Variants in HECW1 observed in about 807,000 individuals in gnomAD.
The protein encoded by HECW1 is E3 ubiquitin-protein ligase HECW1.
HECW1 carries 61 observed loss-of-function variants against 182.3 expected under a neutral mutation model. The observed-to-expected ratio is 0.33, with a 90% confidence interval of 0.27 to 0.41. HECW1 has a LOEUF of 0.41. Among genes scored for constraint, HECW1 ranks in the 10% least tolerant of loss-of-function variants. The probability of loss-of-function intolerance (pLI) is 1.00; values close to 1 mark genes in which losing one functional copy is unlikely to be tolerated. For synonymous variants in HECW1, 859 were observed against 832.6 expected, an observed-to-expected ratio of 1.03 and a Z score of -0.55; for missense variants, 1,739 against 2,108.9, an observed-to-expected ratio of 0.82 and a Z score of 3.44.
At position 43,501,206 on chromosome 7, in the gene HECW1, TATGCAGTCTC is replaced by T; in HGVS notation, c.3522-6_3525del. ...TTCTTTTTTTTTTTTTTTTTTTTCA[TATGCAGTCTC>T]TTTGAAGAAGAGATTATGTCCTACG... On this transcript the variant is annotated splice_acceptor_variant and splice_polypyrimidine_tract_variant and coding_sequence_variant and intron_variant, in exon 21 of 30. Transcript: ENST00000395891. LOFTEE classifies it high-confidence loss of function. 1.1e-6 allele frequency: 1 copy of T among 899,276 alleles called. No individual in the cohort carries two copies. The highest frequency in any genetic ancestry group is 1.8e-6 in the Non-Finnish European group (1 of 570,096). The allele number at this position is 899,276 out of a possible 1,614,324, so 55.7% of individuals were successfully genotyped here.
intron 2 of HECW1, among the ~76,000 whole-genome samples, chr7:43,116,798 C>A (rs1452635166): frequency 1.3e-5 from 2 of 152,198 alleles, no homozygotes; most frequent in African/African-American, 4.8e-5. Flanking sequence ...CTTCAGGTCA[C>A]TTTTCCTCTT....
intron 2 of HECW1, among the ~76,000 whole-genome samples, chr7:43,131,616 A>G (rs1015618441): frequency 2.6e-5 from 4 of 152,246 alleles, no homozygotes; most frequent in Admixed American, 1.3e-4. Context: ...CCTCAAACAT[A>G]CTGAAGAATG....
chr7:43,487,612 T>C (rs1466750066), intron 17 of HECW1, among the ~76,000 whole-genome samples: 1 of 152,184 alleles, frequency 6.6e-6, no homozygotes, highest in Non-Finnish European at 1.5e-5. Context: ...TAGAGTCATG[T>C]CATTTTGGTT....
intron 2 of HECW1, among the ~76,000 whole-genome samples, chr7:43,168,395 C>T (rs555496830): frequency 1.3e-5 from 2 of 152,240 alleles, no homozygotes; most frequent in African/African-American, 2.4e-5. Flanking sequence ...TGGTGGCTCA[C>T]GCTTGTAATC....
At position 43,162,829 on chromosome 7, in the gene HECW1, G is replaced by A. The variant is rs115925863; in HGVS notation, c.-32+48438G>A. ...CAGTAATTTATGGAGCACTTGTTCT[G>A]TGGGAGGCATTGTTCTAACTACCTT... On this transcript the variant is annotated intron_variant, in intron 2 of 29. Transcript: ENST00000395891. The A allele has an allele frequency of 1.0e-3, 158 of 152,344 alleles. 1 individual carries two copies. The highest frequency in any genetic ancestry group is 3.6e-3 in the African/African-American group (151 of 41,570). 9.4% of individuals were successfully genotyped at this position (152,344 alleles called of 1,614,324 possible).
At chr7:43,521,828 T>C (rs935609922) in intron 24 of HECW1, among the ~76,000 whole-genome samples, 7 of 152,170 alleles carry the variant, frequency 4.6e-5, no homozygotes, top group African/African-American at 1.2e-4. Flanking sequence ...GTGAGCCTAA[T>C]TGCATTGCAC....
At chr7:43,358,403 C>G (rs1385574936) in intron 5 of HECW1, among the ~76,000 whole-genome samples, 1 of 152,004 alleles carries the variant, frequency 6.6e-6, no homozygotes, top group African/African-American at 2.4e-5. Flanking sequence ...GATTGTCCAC[C>G]AAGAGCTTGA....
At chr7:43,543,318 C>G (rs933464992) in intron 26 of HECW1, among the ~76,000 whole-genome samples, 1 of 152,180 alleles carries the variant, frequency 6.6e-6, no homozygotes, top group Non-Finnish European at 1.5e-5. Flanking sequence ...TGCAGGCCAC[C>G]AAGCACCGCA....
rs138489968 is a variant in HECW1, at chr7:43,466,514, A to T, written c.2859A>T (p.Pro953=). ...SQKITLLLQS[P]AVKFITNPEF... ...AAATCACCTTGCTGCTGCAGTCCCCAGCGGTCAAGTTCATCACCAACCCCG... is the reference window on the plus strand; with the variant it reads ...AAATCACCTTGCTGCTGCAGTCCCCTGCGGTCAAGTTCATCACCAACCCCG... The change falls in exon 15 of 30, where the codon CCA becomes CCT. Residue 953 remains proline, a synonymous_variant. Transcript: ENST00000395891. 1 of 1,613,998 alleles carries T rather than the reference A, an allele frequency of 6.2e-7. No homozygotes were observed. The highest frequency in any genetic ancestry group is 8.5e-7 in the Non-Finnish European group (1 of 1,179,930).
At chr7:43,268,421 C>T (rs1317823900) in intron 3 of HECW1, among the ~76,000 whole-genome samples, 1 of 152,230 alleles carries the variant, frequency 6.6e-6, no homozygotes, top group Non-Finnish European at 1.5e-5. Context: ...CCCAGAGGCT[C>T]TCACCTGGGG....
intron 8 of HECW1, among the ~76,000 whole-genome samples, chr7:43,408,437 C>G (rs1584798935): frequency 6.6e-6 from 1 of 151,588 alleles, no homozygotes; most frequent in Non-Finnish European, 1.5e-5. Context: ...CAAGGTAGCT[C>G]TTAGGGAGGC....
chr7:43,502,106 G>A (rs2079387460), intron 21 of HECW1, among the ~76,000 whole-genome samples: 1 of 152,258 alleles, frequency 6.6e-6, no homozygotes, highest in East Asian at 1.9e-4. Context: ...GTCACTCTCC[G>A]AGCATTTCAA....
intron 2 of HECW1, among the ~76,000 whole-genome samples, chr7:43,240,827 T>C (rs931036570): frequency 6.6e-6 from 1 of 152,102 alleles, no homozygotes; most frequent in Admixed American, 6.6e-5. Context: ...TATGAAGAAG[T>C]GGCCTCAGGC....
chr7:43,130,335 T>C (rs1786773827), intron 2 of HECW1, among the ~76,000 whole-genome samples: 1 of 152,230 alleles, frequency 6.6e-6, no homozygotes, highest in Non-Finnish European at 1.5e-5. Flanking sequence ...GAAATTCATT[T>C]ATGTTTCATG....
At chr7:43,399,920 A>G (rs560726412) in intron 7 of HECW1, among the ~76,000 whole-genome samples, 2 of 152,300 alleles carry the variant, frequency 1.3e-5, no homozygotes, top group East Asian at 3.9e-4. Context: ...ACAAAAAGCA[A>G]ATACTGTTGA....
At chr7:43,204,030 G>A (rs1207223271) in intron 2 of HECW1, among the ~76,000 whole-genome samples, 1 of 152,146 alleles carries the variant, frequency 6.6e-6, no homozygotes, top group African/African-American at 2.4e-5. Flanking sequence ...CAAATGAATT[G>A]TTGCTTAGCA....
chr7:43,305,627 G>A (rs1015782035), intron 3 of HECW1, among the ~76,000 whole-genome samples: 3 of 151,376 alleles, frequency 2.0e-5, no homozygotes, highest in African/African-American at 7.3e-5. Context: ...TTGTTTGGGG[G>A]GGACAGAGTC....
At chr7:43,326,538 G>T (rs1810815860) in intron 5 of HECW1, among the ~76,000 whole-genome samples, 1 of 152,214 alleles carries the variant, frequency 6.6e-6, no homozygotes, top group Non-Finnish European at 1.5e-5. Context: ...CTCAGGAGAA[G>T]TGCCCAGCCA....
At chr7:43,348,131 T>C (rs1311009604) in intron 5 of HECW1, among the ~76,000 whole-genome samples, 1 of 152,194 alleles carries the variant, frequency 6.6e-6, no homozygotes, top group Non-Finnish European at 1.5e-5. Flanking sequence ...TTGCTGTGAA[T>C]CTGTCTGGTC....
Sources: gnomAD v4.1 joint callset for allele counts (sites outside exome capture counted in the v4.1 genomes callset) on GRCh38, gnomAD v4.1.1 for gene constraint, MANE v1.5 for transcripts, NCBI Gene and HGNC (gene_info 2026-07-23, HGNC 2026-07-21) for gene names.